The following NFIB variants were observed in gnomAD, a reference collection of about 807,000 sequenced individuals.
NFIB encodes the protein nuclear factor 1 B-type.
A neutral mutation model predicts 61.5 loss-of-function variants in NFIB; 11 were observed. The observed-to-expected ratio is 0.18, with a 90% CI of 0.11 to 0.30. The LOEUF (loss-of-function observed/expected upper bound fraction) is 0.30. Among genes scored for constraint, NFIB ranks in the 10% least tolerant of loss-of-function variants. The probability of loss-of-function intolerance (pLI) is 1.00; values close to 1 mark genes in which losing one functional copy is unlikely to be tolerated. For synonymous variants in NFIB, 260 were observed against 216.5 expected (o/e 1.20, Z -1.76); for missense variants, 471 against 608.9 (o/e 0.77, Z 2.38).
At chr9:14,420,200 A>G in the NFIB span, among the ~76,000 whole-genome samples, 1 of 152,086 alleles carries the variant, frequency 6.6e-6, no homozygotes, top group Non-Finnish European at 1.5e-5. Context: ...CAATCCCAGC[A>G]CTTTGGGAGG....
At chr9:14,199,180 G>A (rs1223474903) in intron 2 of NFIB, among the ~76,000 whole-genome samples, 1 of 152,230 alleles carries the variant, frequency 6.6e-6, no homozygotes, top group Non-Finnish European at 1.5e-5. Flanking sequence ...TATTGGCATA[G>A]GTGACTTGAG....
At chr9:14,097,405 A>T (rs1021820375) in intron 10 of NFIB, among the ~76,000 whole-genome samples, 1 of 152,192 alleles carries the variant, frequency 6.6e-6, no homozygotes, top group Non-Finnish European at 1.5e-5. Context: ...CAGCACTCGG[A>T]GAATAAAGCT....
intron 2 of NFIB, among the ~76,000 whole-genome samples, chr9:14,269,519 G>C (rs1588042964): frequency 6.6e-6 from 1 of 152,282 alleles, no homozygotes; most frequent in South Asian, 2.1e-4. Flanking sequence ...ATATACATCT[G>C]TCAGGCTATT....
At chr9:14,386,842 T>A (rs566261433) in intron 1 of NFIB, among the ~76,000 whole-genome samples, 38 of 152,194 alleles carry the variant, frequency 2.5e-4, no homozygotes, top group Non-Finnish European at 5.1e-4. Context: ...AGCTCCTTGG[T>A]GTGTTATTAG....
chr9:14,271,472 A>C (rs2057621292), intron 2 of NFIB, among the ~76,000 whole-genome samples: 1 of 152,080 alleles, frequency 6.6e-6, no homozygotes, highest in Admixed American at 6.6e-5. Context: ...TAATTATGAC[A>C]TCTGAGTCAT....
intron 2 of NFIB, among the ~76,000 whole-genome samples, chr9:14,246,198 C>T (rs2054907393): frequency 6.6e-6 from 1 of 152,034 alleles, no homozygotes; most frequent in African/African-American, 2.4e-5. Context: ...AATTTTAACA[C>T]TTTCCCTTTT....
the NFIB span, among the ~76,000 whole-genome samples, chr9:14,515,185 G>A: frequency 6.6e-6 from 1 of 152,010 alleles, no homozygotes; most frequent in African/African-American, 2.4e-5. Flanking sequence ...AGCATAAGGG[G>A]CATTGGGAAG....
intron 10 of NFIB, among the ~76,000 whole-genome samples, chr9:14,111,696 A>G (rs1423584288): frequency 6.6e-6 from 1 of 152,198 alleles, no homozygotes; most frequent in South Asian, 2.1e-4. Flanking sequence ...ATTCCAGAGA[A>G]TTATGTTGAG....
At chr9:14,516,895 A>G in the NFIB span, among the ~76,000 whole-genome samples, 3 of 152,232 alleles carry the variant, frequency 2.0e-5, no homozygotes, top group African/African-American at 7.2e-5. Context: ...TCTGAGCACC[A>G]GATTGCTTTG....
At chr9:14,191,346 TA>T (rs903640795) in intron 2 of NFIB, among the ~76,000 whole-genome samples, 156 of 151,002 alleles carry the variant, frequency 1.0e-3, no homozygotes, top group African/African-American at 3.3e-3. Flanking sequence ...TAAACAAAAA[TA>T]AAAAAAATAC....
intron 2 of NFIB, among the ~76,000 whole-genome samples, chr9:14,211,108 C>A (rs1246770455): frequency 6.6e-6 from 1 of 152,172 alleles, no homozygotes; most frequent in East Asian, 1.9e-4. Context: ...TTAAGTATCA[C>A]TGCAACCTGG....
At chr9:14,176,064 T>C (rs190383180) in intron 3 of NFIB, among the ~76,000 whole-genome samples, 70 of 152,278 alleles carry the variant, frequency 4.6e-4, no homozygotes, top group South Asian at 1.2e-3. Flanking sequence ...AAAGCTAATT[T>C]CCAAAGATTA....
Position 14,313,575 on chromosome 9 carries a change from C to A in NFIB, c.-64G>T. 6.2e-7 allele frequency: 1 copy of A among 1,611,858 alleles called. No individual in the cohort carries two copies. The highest frequency in any genetic ancestry group is 1.1e-5 in the South Asian group (1 of 90,842). On this transcript the variant is annotated 5_prime_UTR_variant, in exon 1 of 11. It removes an upstream start codon present in the reference 5' UTR. Coordinates refer to ENST00000380953, the MANE Select transcript of NFIB (RefSeq NM_001190737.2). The surrounding 1 kb of genome is among the most constrained non-coding windows in gnomAD (Gnocchi z 4.5). ...GAAAATCTTCGAGAAGCAAGAATTT[C>A]ATCTATTCATTTTACAGTCATCTGA...
chr9:14,209,596 G>T (rs918346995), intron 2 of NFIB, among the ~76,000 whole-genome samples: 1 of 152,192 alleles, frequency 6.6e-6, no homozygotes, highest in African/African-American at 2.4e-5. Context: ...TGAAACAGCA[G>T]GCAGCCTGTA....
intron 2 of NFIB, chr9:14,204,991 C>T (rs2049477479): frequency 6.7e-6 from 2 of 298,920 alleles, no homozygotes; most frequent in South Asian, 4.7e-5. Flanking sequence ...CTGTGGCTTA[C>T]ATTGCCAAGC....
At chr9:14,408,191 A>G in the NFIB span, among the ~76,000 whole-genome samples, 1 of 152,180 alleles carries the variant, frequency 6.6e-6, no homozygotes, top group Non-Finnish European at 1.5e-5. Context: ...CAATAACATG[A>G]GCCACGGGAG....
the NFIB span, among the ~76,000 whole-genome samples, chr9:14,485,904 A>ACC: frequency 2.5e-4 from 38 of 149,028 alleles, no homozygotes; most frequent in African/African-American, 9.2e-4. Context: ...ACAAAAAACA[A>ACC]CCCCCCCCAC....
the NFIB span, among the ~76,000 whole-genome samples, chr9:14,446,039 C>T: frequency 6.6e-6 from 1 of 152,138 alleles, no homozygotes; most frequent in African/African-American, 2.4e-5. Context: ...GTTCTCTCAG[C>T]ATGTTGGAGA....
intron 2 of NFIB, among the ~76,000 whole-genome samples, chr9:14,284,405 T>A (rs1272093626): frequency 1.3e-5 from 2 of 152,108 alleles, no homozygotes; most frequent in South Asian, 2.1e-4. Flanking sequence ...AGAAAATCAA[T>A]CTTTGAAACC....
Sources: gnomAD v4.1 joint callset for allele counts (sites outside exome capture counted in the v4.1 genomes callset) on GRCh38, gnomAD v4.1.1 for gene constraint, Gnocchi (gnomAD v3.1) non-coding constraint, MANE v1.5 for transcripts, NCBI Gene and HGNC (gene_info 2026-07-23, HGNC 2026-07-21) for gene names.